DNAH3: variants seen among roughly 807,000 people sequenced by gnomAD.
DNAH3 encodes axonemal beta dynein heavy chain 3.
Under a neutral mutation model 432.5 loss-of-function variants are expected in DNAH3, and 332 were observed. That is an observed-to-expected ratio of 0.77 (90% CI 0.70 to 0.84). The LOEUF is 0.84. Ranked by LOEUF, DNAH3 falls within the 40% of genes least tolerant of loss-of-function variation. DNAH3 has a pLI of 0.00. For synonymous variants in DNAH3, 1,956 were observed against 1,900.2 expected, an observed-to-expected ratio of 1.03 and a Z score of -0.76; for missense variants, 4,861 against 5,114.0, an observed-to-expected ratio of 0.95 and a Z score of 1.51.
chr16:20,958,094 A>T (rs1303257459), intron 54 of DNAH3, among the ~76,000 whole-genome samples: 2 of 147,238 alleles, frequency 1.4e-5, no homozygotes, highest in African/African-American at 2.5e-5. Context: ...TTTTTTTGAG[A>T]CAGGGTCTCA....
chr16:21,106,370 G>T, intron 15 of DNAH3, 120 bp downstream of exon 15: 1 of 841,094 alleles, frequency 1.2e-6, no homozygotes, highest in Non-Finnish European at 1.6e-6. Flanking sequence ...CTATCCTTTT[G>T]CTCAACACTT....
intron 44 of DNAH3, among the ~76,000 whole-genome samples, chr16:20,991,383 A>G (rs1302861096): frequency 6.6e-6 from 1 of 151,902 alleles, no homozygotes; most frequent in Non-Finnish European, 1.5e-5. Flanking sequence ...CTCCTTCCTC[A>G]ACCCCAAGTA....
chr16:20,950,583 A>G (rs1176629722), intron 56 of DNAH3, among the ~76,000 whole-genome samples: 1 of 152,204 alleles, frequency 6.6e-6, no homozygotes, highest in Non-Finnish European at 1.5e-5. Flanking sequence ...GACTCAATGC[A>G]TTAATCACAG....
chr16:21,136,185 G>A (rs1282916137), intron 6 of DNAH3, 139 bp downstream of exon 7: 4 of 765,696 alleles, frequency 5.2e-6, no homozygotes, highest in East Asian at 5.2e-5. Flanking sequence ...AGGCTAAGGA[G>A]GGAGGATTGC....
At chr16:21,124,651 T>C (rs1405938140) in intron 9 of DNAH3, among the ~76,000 whole-genome samples, 1 of 152,152 alleles carries the variant, frequency 6.6e-6, no homozygotes, top group African/African-American at 2.4e-5. Flanking sequence ...TTTACTTTTT[T>C]TTTTTTTTCC....
chr16:20,975,974 A>AC (rs1167497337), intron 50 of DNAH3, among the ~76,000 whole-genome samples: 1 of 152,020 alleles, frequency 6.6e-6, no homozygotes, highest in African/African-American at 2.4e-5. Flanking sequence ...AGAACTCCTG[A>AC]CCTCAGGTGA....
At chr16:21,031,789 A>G (rs2088890199) in intron 36 of DNAH3, among the ~76,000 whole-genome samples, 1 of 152,208 alleles carries the variant, frequency 6.6e-6, no homozygotes, top group Non-Finnish European at 1.5e-5. Flanking sequence ...GCACTTTGGG[A>G]GGCCAAGGCA....
intron 43 of DNAH3, among the ~76,000 whole-genome samples, chr16:20,999,348 TGGAGAAAA>T (rs1567613625): frequency 6.6e-6 from 1 of 151,820 alleles, no homozygotes; most frequent in African/African-American, 2.4e-5. Flanking sequence ...GAGAGCAAGA[TGGAGAAAA>T]GGAGAAAAAG....
At chr16:21,008,246 T>C (rs564075063) in intron 41 of DNAH3, among the ~76,000 whole-genome samples, 1 of 152,320 alleles carries the variant, frequency 6.6e-6, no homozygotes, top group African/African-American at 2.4e-5. Flanking sequence ...CTTACCATTC[T>C]GCTCTGATAT....
At chr16:20,942,697 ATGAAAGCC>A (rs2083870652) in intron 58 of DNAH3, among the ~76,000 whole-genome samples, 1 of 152,144 alleles carries the variant, frequency 6.6e-6, no homozygotes, top group Non-Finnish European at 1.5e-5. Flanking sequence ...CCTTGATTTT[ATGAAAGCC>A]TGGAAGCCGG....
chr16:21,004,639 A>G (rs1455362169), intron 41 of DNAH3, among the ~76,000 whole-genome samples: 1 of 152,098 alleles, frequency 6.6e-6, no homozygotes, highest in African/African-American at 2.4e-5. Flanking sequence ...AAGTGCTAGG[A>G]TTACAGGTGT....
At chr16:21,151,189 CT>C (rs886795657) in intron 1 of DNAH3, among the ~76,000 whole-genome samples, 2 of 152,136 alleles carry the variant, frequency 1.3e-5, no homozygotes, top group Non-Finnish European at 2.9e-5. Context: ...TCCAAGTGTC[CT>C]TTCCGTCTGT....
intron 7 of DNAH3, among the ~76,000 whole-genome samples, chr16:21,131,485 AAAG>A (rs1329487951): frequency 0.071 from 35 of 494 alleles, no homozygotes; most frequent in African/African-American, 0.23. Flanking sequence ...GGAAGAAAGA[AAAG>A]AAAGAGAGAT....
intron 7 of DNAH3, among the ~76,000 whole-genome samples, chr16:21,128,906 T>G (rs1255043647): frequency 6.8e-6 from 1 of 147,722 alleles, no homozygotes; most frequent in Admixed American, 6.8e-5. Flanking sequence ...CAAAAAAGCC[T>G]CTTTAAGCCC....
intron 31 of DNAH3, among the ~76,000 whole-genome samples, chr16:21,045,069 G>A (rs1438986416): frequency 1.3e-5 from 2 of 152,186 alleles, no homozygotes; most frequent in Admixed American, 1.3e-4. Flanking sequence ...TGCTGGATTC[G>A]GTTTGCCAGT....
At chr16:21,005,710 T>C (rs2087266707) in intron 41 of DNAH3, among the ~76,000 whole-genome samples, 1 of 151,870 alleles carries the variant, frequency 6.6e-6, no homozygotes, top group African/African-American at 2.4e-5. Flanking sequence ...AAGGGGCTTA[T>C]AGGTGCTCAA....
intron 41 of DNAH3, among the ~76,000 whole-genome samples, chr16:21,007,199 C>T (rs1165140795): frequency 6.6e-6 from 1 of 151,160 alleles, no homozygotes; most frequent in Non-Finnish European, 1.5e-5. Context: ...GGCTTATTGG[C>T]CATTTGTATA....
intron 23 of DNAH3, 32 bp from the exon 24 acceptor site, chr16:21,067,451 ATAAGGT>A: frequency 6.2e-7 from 1 of 1,611,472 alleles, no homozygotes; most frequent in Non-Finnish European, 8.5e-7. Flanking sequence ...GAGACTCATC[ATAAGGT>A]TCCCAAGTTC....
intron 48 of DNAH3, among the ~76,000 whole-genome samples, chr16:20,984,020 C>A: frequency 8.3e-6 from 1 of 121,084 alleles, no homozygotes. Context: ...GAGCAAGACC[C>A]TATATCCAGA....
Sources: gnomAD v4.1 joint callset for allele counts (sites outside exome capture counted in the v4.1 genomes callset) on GRCh38, gnomAD v4.1.1 for gene constraint, MANE v1.5 for transcripts, NCBI Gene and HGNC (gene_info 2026-07-23, HGNC 2026-07-21) for gene names.